Variants in STARD13 observed in about 807,000 individuals in gnomAD.
STARD13 encodes the protein stAR-related lipid transfer protein 13.
STARD13 carries 62 observed loss-of-function variants against 106.4 expected under a neutral mutation model. The observed-to-expected ratio is 0.58, with a 90% CI of 0.48 to 0.72. The LOEUF is 0.72. Among genes scored for constraint, STARD13 ranks in the 30% least tolerant of loss-of-function variants. The probability of loss-of-function intolerance (pLI) is 0.00; values close to 1 mark genes in which losing one functional copy is unlikely to be tolerated. For synonymous variants in STARD13, 565 were observed against 553.0 expected (o/e 1.02, Z -0.31); for missense variants, 1,387 against 1,424.0 (o/e 0.97, Z 0.42).
intron 3 of STARD13, among the ~76,000 whole-genome samples, chr13:33,164,914 T>A (rs1450044105): frequency 6.6e-6 from 1 of 152,166 alleles, no homozygotes; most frequent in African/African-American, 2.4e-5. Context: ...CACTCGTAGT[T>A]TTTCAGAGCC....
At chr13:33,213,517 T>C (rs1455821622) in intron 1 of STARD13, among the ~76,000 whole-genome samples, 1 of 152,226 alleles carries the variant, frequency 6.6e-6, no homozygotes, top group East Asian at 1.9e-4. Flanking sequence ...GCTCTTTGTT[T>C]CTGTTGCCAA....
chr13:33,305,383 A>T (rs987224438), intron 1 of STARD13, among the ~76,000 whole-genome samples: 6 of 152,268 alleles, frequency 3.9e-5, no homozygotes, highest in Admixed American at 3.3e-4. Flanking sequence ...GTAGAGCCTC[A>T]TATCTTTTAC....
chr13:33,540,337 T>C, the STARD13 span, among the ~76,000 whole-genome samples: 1 of 152,334 alleles, frequency 6.6e-6, no homozygotes, highest in South Asian at 2.1e-4. Context: ...TTTTGGCATA[T>C]CCAAATTGCC....
At chr13:33,465,198 CTTCTTTTTTTTTT>C in the STARD13 span, among the ~76,000 whole-genome samples, 43,596 of 140,184 alleles carry the variant, frequency 0.31, 7,189 homozygotes, top group Non-Finnish European at 0.39. Flanking sequence ...AATTGGTCTT[CTTCTTTTTTTTTT>C]TTTTTTTTTT....
intron 1 of STARD13, among the ~76,000 whole-genome samples, chr13:33,308,986 G>A (rs769234923): frequency 1.3e-5 from 2 of 152,142 alleles, no homozygotes; most frequent in Non-Finnish European, 2.9e-5. Context: ...TGAACCTGAT[G>A]GGCACTTTGC....
chr13:33,178,021 A>AG lies in STARD13; in HGVS notation c.170-10400dup, dbSNP rs796527225. ...AGGAAGGAAGGAAGGAAAGGAAGGA[A>AG]GGAAGGAAGGAAGGAAGGAAGGAAG... On this transcript the variant is annotated intron_variant, in intron 1 of 13. Coordinates refer to ENST00000336934, the MANE Select transcript of STARD13 (RefSeq NM_178006.4). Among the ~76,000 whole-genome samples the AG allele has an allele frequency of 7.7e-5, 6 of 78,420 alleles. 1 individual carries two copies. The highest frequency in any genetic ancestry group is 9.4e-4 in the South Asian group (2 of 2,130). 51.4% of individuals were successfully genotyped at this position (78,420 alleles called of 152,430 possible).
the STARD13 span, among the ~76,000 whole-genome samples, chr13:33,632,798 C>T: frequency 6.6e-6 from 1 of 151,150 alleles, no homozygotes; most frequent in Non-Finnish European, 1.5e-5. Flanking sequence ...ATCACTATGC[C>T]ATGATGTTCT....
the STARD13 span, among the ~76,000 whole-genome samples, chr13:33,429,832 T>G: frequency 6.6e-6 from 1 of 151,482 alleles, no homozygotes; most frequent in Non-Finnish European, 1.5e-5. Context: ...ATAGGAAGAA[T>G]GAATGAGACC....
rs538913591 is a variant in STARD13 at position 33,252,453 on chromosome 13, C to A, written c.169+33017G>T. Among the ~76,000 whole-genome samples the A allele has an allele frequency of 2.6e-5, 4 of 152,304 alleles. No homozygotes were observed. The East Asian group carries it at 5.8e-4, about 22-fold the overall frequency. Reference sequence around the variant, plus strand: ...ACGGAGAAGATTTTCACTCTATGGGCCATATTCAGGTCCCTCCCTTCCGCA... The same window carrying A: ...ACGGAGAAGATTTTCACTCTATGGGACATATTCAGGTCCCTCCCTTCCGCA... On this transcript the variant is annotated intron_variant, in intron 1 of 13. Transcript: ENST00000336934.
the STARD13 span, among the ~76,000 whole-genome samples, chr13:33,636,782 C>A: frequency 6.6e-6 from 1 of 152,308 alleles, no homozygotes; most frequent in South Asian, 2.1e-4. Context: ...TTGGCTGGGT[C>A]GTCAGGACCC....
the STARD13 span, among the ~76,000 whole-genome samples, chr13:33,629,185 A>G: frequency 6.6e-6 from 1 of 152,244 alleles, no homozygotes; most frequent in African/African-American, 2.4e-5. Context: ...CAAACGCCAT[A>G]GGAAAGCAGA....
In STARD13 at chr13:33,285,115, A is replaced by G. The variant is rs147702617; in HGVS notation, c.169+355T>C. The stretch of plus-strand genomic sequence containing the variant: ...CGCCTCCTCCCTAATGAAATAAACA[A>G]GTGTCCACATTTTAAATGTGACGGA... On this transcript the variant is annotated intron_variant, in intron 1 of 13. Coordinates refer to ENST00000336934, the MANE Select transcript of STARD13 (RefSeq NM_178006.4). Among the ~76,000 whole-genome samples, 33 of 152,278 alleles carry G rather than the reference A, an allele frequency of 2.2e-4. No individual in the cohort carries two copies. In the East Asian group the frequency reaches 6.2e-3, roughly 28 times the overall value.
At chr13:33,649,821 A>G in the STARD13 span, among the ~76,000 whole-genome samples, 1 of 152,224 alleles carries the variant, frequency 6.6e-6, no homozygotes, top group Non-Finnish European at 1.5e-5. Flanking sequence ...GCTGTGAGTG[A>G]CTCTGACTTT....
At chr13:33,115,281 C>CAGT (rs1875198872) in intron 8 of STARD13, among the ~76,000 whole-genome samples, 1 of 152,206 alleles carries the variant, frequency 6.6e-6, no homozygotes, top group Non-Finnish European at 1.5e-5. Context: ...CTCTCTGCCA[C>CAGT]AGTAGCAGTT....
At chr13:33,499,604 T>TTTCTTCTTCTTCTTCTTCTTCTTC in the STARD13 span, among the ~76,000 whole-genome samples, 10 of 39,902 alleles carry the variant, frequency 2.5e-4, no homozygotes, top group East Asian at 3.2e-3. Flanking sequence ...CTTCTTCTTC[T>TTTCTTCTTCTTCTTCTTCTTCTTC]TTCTTCTTCT....
chr13:33,515,565 A>G, the STARD13 span, among the ~76,000 whole-genome samples: 2 of 152,152 alleles, frequency 1.3e-5, no homozygotes, highest in Non-Finnish European at 2.9e-5. Context: ...GACCATAAAA[A>G]TCTTGGCCTT....
the STARD13 span, among the ~76,000 whole-genome samples, chr13:33,499,761 CTTTT>C: frequency 3.2e-5 from 3 of 94,576 alleles, no homozygotes; most frequent in African/African-American, 4.7e-5. Flanking sequence ...CTTCTTCTTT[CTTTT>C]TTTTTTTTTT....
the STARD13 span, among the ~76,000 whole-genome samples, chr13:33,444,731 T>C: frequency 1.3e-5 from 2 of 152,166 alleles, no homozygotes; most frequent in African/African-American, 4.8e-5. Context: ...TTCCCACCAC[T>C]GCACTCCAGC....
At chr13:33,446,683 A>G in the STARD13 span, among the ~76,000 whole-genome samples, 2 of 152,212 alleles carry the variant, frequency 1.3e-5, no homozygotes, top group African/African-American at 4.8e-5. Context: ...TATGTATATT[A>G]GCGTTCATGT....
Sources: gnomAD v4.1 joint callset for allele counts (sites outside exome capture counted in the v4.1 genomes callset) on GRCh38, gnomAD v4.1.1 for gene constraint, MANE v1.5 for transcripts, NCBI Gene and HGNC (gene_info 2026-07-23, HGNC 2026-07-21) for gene names.